The following MYO5B variants were observed in gnomAD, a reference collection of about 807,000 sequenced individuals.
MYO5B encodes myosin VB.
Under a neutral mutation model 229.3 loss-of-function variants are expected in MYO5B, and 143 were observed. That is an observed-to-expected ratio of 0.62 (90% CI 0.54 to 0.72). The LOEUF (loss-of-function observed/expected upper bound fraction) is 0.72, where lower values mean the gene tolerates loss of function less well. Among genes scored for constraint, MYO5B ranks in the 30% least tolerant of loss-of-function variants. The pLI is 0.00. For synonymous variants in MYO5B, 918 were observed against 885.2 expected, an observed-to-expected ratio of 1.04 and a Z score of -0.66; for missense variants, 2,321 against 2,331.0, an observed-to-expected ratio of 1.00 and a Z score of 0.09.
chr18:49,987,624 C>G (rs2025884913), intron 7 of MYO5B, among the ~76,000 whole-genome samples: 1 of 152,176 alleles, frequency 6.6e-6, no homozygotes, highest in Admixed American at 6.5e-5. Flanking sequence ...AGCACCGGAC[C>G]ACCAAGGCCA....
chr18:49,877,823 A>C lies in MYO5B; in HGVS notation c.3336T>G (p.Asn1112Lys). Residue 1112 changes from asparagine to lysine, a missense_variant, in exon 25 of 40, where the codon AAT becomes AAG. Physicochemically the swap from Asn to Lys is moderately conservative, Grantham distance 94 (BLOSUM62 0). Transcript: ENST00000285039. ...SNQSSLESDS[N>K]YPSISTSEIG... ...TCTCAGATGTGGAGATGGAGGGGTA[A>C]TTGGAGTCAGATTCTAAGCTACTTT... is the stretch of plus-strand genomic sequence containing the variant. 1 of 1,614,088 alleles carries C rather than the reference A, an allele frequency of 6.2e-7. No homozygotes were observed. The highest frequency in any genetic ancestry group is 8.5e-7 in the Non-Finnish European group (1 of 1,179,994).
chr18:50,002,061 GCA>G (rs1369242161), intron 4 of MYO5B, among the ~76,000 whole-genome samples: 3 of 145,078 alleles, frequency 2.1e-5, no homozygotes, highest in African/African-American at 7.6e-5. Context: ...AAATTCACAA[GCA>G]CACACTTTCA....
At chr18:49,899,584 C>A (rs556698140) in intron 21 of MYO5B, among the ~76,000 whole-genome samples, 4 of 152,346 alleles carry the variant, frequency 2.6e-5, no homozygotes, top group African/African-American at 9.6e-5. Context: ...CTGAAACCAG[C>A]CTGACAGGTT....
intron 22 of MYO5B, among the ~76,000 whole-genome samples, chr18:49,884,541 T>A (rs781547290): frequency 1.3e-5 from 2 of 151,860 alleles, no homozygotes; most frequent in East Asian, 1.9e-4. Context: ...GCATGTGCAG[T>A]TCACAGTAAG....
intron 1 of MYO5B, among the ~76,000 whole-genome samples, chr18:50,071,144 C>T (rs1206067835): frequency 6.6e-6 from 1 of 152,194 alleles, no homozygotes; most frequent in Non-Finnish European, 1.5e-5. Flanking sequence ...TTAAATCCTT[C>T]CTGAGCTTTC....
intron 1 of MYO5B, among the ~76,000 whole-genome samples, chr18:50,184,429 T>G (rs1403888103): frequency 6.6e-6 from 1 of 152,066 alleles, no homozygotes; most frequent in East Asian, 1.9e-4. Context: ...TATATCCAAA[T>G]GATGTTCTGA....
intron 1 of MYO5B, among the ~76,000 whole-genome samples, chr18:50,170,751 C>T (rs1309541585): frequency 7.8e-6 from 1 of 127,640 alleles, no homozygotes; most frequent in Non-Finnish European, 1.7e-5. Context: ...TCCTAATCCA[C>T]ATAGTATATC....
At chr18:49,999,382 G>A (rs2026022281) in intron 5 of MYO5B, among the ~76,000 whole-genome samples, 1 of 152,240 alleles carries the variant, frequency 6.6e-6, no homozygotes, top group East Asian at 1.9e-4. Context: ...TCCACAAACG[G>A]CTTCCGACCT....
At chr18:50,075,644 AAGAC>A (rs1277988545) in intron 1 of MYO5B, among the ~76,000 whole-genome samples, 1 of 152,178 alleles carries the variant, frequency 6.6e-6, no homozygotes, top group Non-Finnish European at 1.5e-5. Flanking sequence ...TGTGTTCCCC[AAGAC>A]AGACTACAGG....
chr18:50,185,548 G>A (rs777032386), intron 1 of MYO5B, among the ~76,000 whole-genome samples: 2 of 152,296 alleles, frequency 1.3e-5, no homozygotes, highest in African/African-American at 2.4e-5. Flanking sequence ...TGTTTCTAAT[G>A]CAAAGAAATG....
chr18:50,119,584 G>A (rs994584561), intron 1 of MYO5B, among the ~76,000 whole-genome samples: 8 of 152,258 alleles, frequency 5.3e-5, no homozygotes, highest in Admixed American at 1.3e-4. Context: ...GGGAGATTCC[G>A]GAGCTTTCCC....
At chr18:49,890,635 A>G (rs2024701320) in intron 22 of MYO5B, among the ~76,000 whole-genome samples, 1 of 152,204 alleles carries the variant, frequency 6.6e-6, no homozygotes, top group Non-Finnish European at 1.5e-5. Flanking sequence ...TTAGTACTAT[A>G]AGAAGACCCA....
In MYO5B at chr18:50,036,694, G is replaced by A. The variant is rs2026451869; in HGVS notation, c.455+156C>T. Among the ~76,000 whole-genome samples, 3 of 152,200 alleles carry A rather than the reference G, an allele frequency of 2.0e-5. No individual in the cohort carries two copies. In the South Asian group the frequency reaches 6.2e-4, roughly 32 times the overall value. ...ATAAGATAAAGGCATGAAGAAATGA[G>A]GTAGGCAGTAGAACTTGGGCTGCTT... is the stretch of plus-strand genomic sequence containing the variant. On this transcript the variant is annotated intron_variant, in intron 4 of 39. Coordinates refer to ENST00000285039, the MANE Select transcript of MYO5B (RefSeq NM_001080467.3).
rs12965258 is a variant in MYO5B, at chr18:50,115,041, C to G, written c.28-59663G>C. ...CCAGAGGACAGCACCTTTCTGATTC[C>G]ACAATTTGATGGTCCACTCAGTGCT... is the stretch of plus-strand genomic sequence containing the variant. On this transcript the variant is annotated intron_variant, in intron 1 of 39. Transcript: ENST00000285039. Among the ~76,000 whole-genome samples the G allele has an allele frequency of 7.4e-3, 1,129 of 152,338 alleles. 6 individuals carry two copies. The highest frequency in any genetic ancestry group is 0.011 in the Non-Finnish European group (765 of 68,024).
At chr18:49,899,986 T>C (rs1244350449) in intron 21 of MYO5B, among the ~76,000 whole-genome samples, 1 of 152,196 alleles carries the variant, frequency 6.6e-6, no homozygotes, top group African/African-American at 2.4e-5. Flanking sequence ...AGCACGTGGA[T>C]TGTAAAATGC....
Position 49,841,402 on chromosome 18 carries a change from C to T in MYO5B, c.4664G>A (p.Arg1555His), listed in dbSNP as rs763029595. 8.0e-5 allele frequency: 129 copies of T among 1,614,066 alleles called. 1 individual carries two copies. Among genetic ancestry groups the T allele is most frequent in the Non-Finnish European group, 9.9e-5 (117 of 1,180,032 alleles). The change falls in exon 35 of 40, where the codon CGC (arginine) becomes CAC (histidine). Residue 1555 changes from arginine to histidine, a missense_variant. By Grantham distance (29) the Arg-to-His change is conservative. Coordinates refer to ENST00000285039, the MANE Select transcript of MYO5B (RefSeq NM_001080467.3). The part of the protein sequence containing the change: ...MTSFWLSNTC[R>H]LLHCLKQYSG... Reference sequence around the variant, plus strand: ...GTACTGCTTCAGACAGTGAAGAAGGCGGCAGGTGTTGGATAACCAGAATGA... The same window carrying T: ...GTACTGCTTCAGACAGTGAAGAAGGTGGCAGGTGTTGGATAACCAGAATGA...
rs374782023 is a variant in MYO5B, at chr18:50,046,037, G to C, written c.139-5723C>G. The stretch of plus-strand genomic sequence containing the variant: ...TTGGAACTAATAATAATCATACAGT[G>C]GACAGAAGAGGAGAAAGAATTGGCT... On this transcript the variant is annotated intron_variant, in intron 2 of 39. Coordinates refer to ENST00000285039, the MANE Select transcript of MYO5B (RefSeq NM_001080467.3). Among the ~76,000 whole-genome samples, 6 of 152,254 alleles carry C rather than the reference G, an allele frequency of 3.9e-5. No individual in the cohort carries two copies. The East Asian group carries it at 9.6e-4, about 24-fold the overall frequency.
intron 31 of MYO5B, 77 bp from the exon 32 acceptor site, chr18:49,849,737 T>G: frequency 8.8e-7 from 1 of 1,140,566 alleles, no homozygotes; most frequent in South Asian, 1.2e-5. Flanking sequence ...TGCTTGCAGT[T>G]GGAGGTGACC....
chr18:50,114,278 T>C (rs185206578), intron 1 of MYO5B, among the ~76,000 whole-genome samples: 1 of 152,332 alleles, frequency 6.6e-6, no homozygotes, highest in East Asian at 1.9e-4. Flanking sequence ...TGAGTTTATG[T>C]TATGTAAATT....
Sources: gnomAD v4.1 joint callset for allele counts (sites outside exome capture counted in the v4.1 genomes callset) on GRCh38, gnomAD v4.1.1 for gene constraint, MANE v1.5 for transcripts, NCBI Gene and HGNC (gene_info 2026-07-23, HGNC 2026-07-21) for gene names.